Variants in SLC16A12 observed in about 807,000 individuals in gnomAD.
SLC16A12 encodes solute carrier family 16 member 12.
In SLC16A12, 17 loss-of-function variants were observed where a neutral mutation model predicts 42.4. That is an observed-to-expected ratio of 0.40 (90% confidence interval 0.27 to 0.60). SLC16A12 has a LOEUF of 0.60. Among genes scored for constraint, SLC16A12 ranks in the 20% least tolerant of loss-of-function variants. SLC16A12 has a pLI of 0.42. For missense variants in SLC16A12, 544 were observed against 623.0 expected (o/e 0.87, Z 1.35); for synonymous variants, 224 against 229.4 (o/e 0.98, Z 0.21).
chr10:89,547,033 G>C (rs1810330089), intron 2 of SLC16A12, among the ~76,000 whole-genome samples: 1 of 152,160 alleles, frequency 6.6e-6, no homozygotes, highest in Non-Finnish European at 1.5e-5. Context: ...GAGCCTGTTG[G>C]GGGGTTGGGA....
chr10:89,529,263 C>T (rs1273228028), intron 2 of SLC16A12, among the ~76,000 whole-genome samples: 4 of 151,918 alleles, frequency 2.6e-5, no homozygotes, highest in African/African-American at 9.7e-5. Flanking sequence ...GGAAAGTATT[C>T]CATCAAGCAA....
chr10:89,503,239 AC>A (rs1411179186), intron 2 of SLC16A12, among the ~76,000 whole-genome samples: 1 of 152,220 alleles, frequency 6.6e-6, no homozygotes, highest in African/African-American at 2.4e-5. Flanking sequence ...AATATGCCTT[AC>A]TAAAGTGGTG....
At chr10:89,474,361 C>T (rs1842544346) in intron 2 of SLC16A12, among the ~76,000 whole-genome samples, 1 of 152,178 alleles carries the variant, frequency 6.6e-6, no homozygotes, top group African/African-American at 2.4e-5. Flanking sequence ...CCCAAACACA[C>T]TGCCTGGTTC....
At chr10:89,499,826 C>CA (rs557888448) in intron 2 of SLC16A12, among the ~76,000 whole-genome samples, 9 of 150,848 alleles carry the variant, frequency 6.0e-5, no homozygotes, top group South Asian at 4.2e-4. Flanking sequence ...GAAATTGAAA[C>CA]AAAAAAAATA....
chr10:89,521,102 A>G (rs941262119), intron 2 of SLC16A12, among the ~76,000 whole-genome samples: 1 of 152,214 alleles, frequency 6.6e-6, no homozygotes, highest in Non-Finnish European at 1.5e-5. Context: ...TATCTGTCCA[A>G]GTGCATGCTG....
intron 3 of SLC16A12, among the ~76,000 whole-genome samples, chr10:89,459,323 A>G (rs1842253215): frequency 6.6e-6 from 1 of 151,982 alleles, no homozygotes; most frequent in Non-Finnish European, 1.5e-5. Flanking sequence ...TTTTAAAAAA[A>G]AAAACCCATG....
chr10:89,438,482 C>T (rs147060880), intron 6 of SLC16A12, 122 bp downstream of exon 6: 176 of 904,618 alleles, frequency 1.9e-4, no homozygotes, highest in Middle Eastern at 1.8e-3. Context: ...GAGATGCCTT[C>T]AGATACTGCA....
intron 6 of SLC16A12, 40 bp from the exon 7 acceptor site, chr10:89,436,359 C>T (rs1841786723): frequency 6.2e-7 from 1 of 1,612,992 alleles, no homozygotes; most frequent in Non-Finnish European, 8.5e-7. Flanking sequence ...AGGAGGTACA[C>T]ATTCTGTAAA....
intron 2 of SLC16A12, among the ~76,000 whole-genome samples, chr10:89,511,673 T>G (rs1385123555): frequency 6.6e-6 from 1 of 152,154 alleles, no homozygotes; most frequent in Non-Finnish European, 1.5e-5. Flanking sequence ...ATGGCACATG[T>G]ATACCTCTGT....
At chr10:89,539,877 C>CTTTCTTTCTTTCTTTCTTTA (rs1564604768), upstream of SLC16A12, among the ~76,000 whole-genome samples, 16 of 144,142 alleles carry the variant, frequency 1.1e-4, no homozygotes, top group Admixed American at 4.8e-4. Context: ...TTCTTTCTTT[C>CTTTCTTTCTTTCTTTCTTTA]TTTCTTTCTT....
upstream of SLC16A12, among the ~76,000 whole-genome samples, chr10:89,538,370 G>A (rs555863930): frequency 3.9e-5 from 6 of 152,314 alleles, no homozygotes; most frequent in East Asian, 3.9e-4. Flanking sequence ...AATTATAATC[G>A]TAATTAAAAT....
At chr10:89,492,500 C>T (rs1413269133) in intron 2 of SLC16A12, among the ~76,000 whole-genome samples, 2 of 151,934 alleles carry the variant, frequency 1.3e-5, no homozygotes, top group Admixed American at 6.6e-5. Context: ...GAGGCTGAGG[C>T]GGGCGGATCA....
chr10:89,555,446 T>G (rs1212718792), intron 2 of SLC16A12, among the ~76,000 whole-genome samples: 1 of 148,568 alleles, frequency 6.7e-6, no homozygotes, highest in African/African-American at 2.4e-5. Context: ...GTTTCATGTT[T>G]ATTTCTACAG....
At chr10:89,469,086 G>A (rs1475072550) in intron 2 of SLC16A12, among the ~76,000 whole-genome samples, 1 of 152,134 alleles carries the variant, frequency 6.6e-6, no homozygotes, top group Non-Finnish European at 1.5e-5. Context: ...CTGAGATCAC[G>A]CCACTGCACC....
rs187103106 is a variant in SLC16A12 at position 89,530,282 on chromosome 10, C to T, written c.-47+4219G>A. ...CTTATCACTATGCCACACCTAAGTA[C>T]TCATCCCTCTTCCTTTTGTAATTTG... is the stretch of plus-strand genomic sequence containing the variant. On this transcript the variant is annotated intron_variant, in intron 2 of 7. Coordinates refer to ENST00000371790, the MANE Select transcript of SLC16A12 (RefSeq NM_213606.4). Among the ~76,000 whole-genome samples, 11 of 152,210 alleles carry T rather than the reference C, an allele frequency of 7.2e-5. No individual in the cohort carries two copies. In the East Asian group the frequency reaches 1.2e-3, roughly 16 times the overall value.
At chr10:89,447,841 A>G (rs1842028961) in intron 3 of SLC16A12, among the ~76,000 whole-genome samples, 1 of 152,204 alleles carries the variant, frequency 6.6e-6, no homozygotes, top group African/African-American at 2.4e-5. Context: ...GAAAAGATCA[A>G]CAAATAGATA....
rs1481127184 is a variant in SLC16A12 at position 89,430,462 on chromosome 10, G to GT, written c.*2601dup. The GT allele has an allele frequency of 2.8e-6, 1 of 355,208 alleles. No homozygotes were observed. Among genetic ancestry groups the GT allele is most frequent in the Non-Finnish European group, 5.5e-6 (1 of 182,166 alleles). 22.0% of individuals were successfully genotyped at this position (355,208 alleles called of 1,614,324 possible). On this transcript the variant is annotated 3_prime_UTR_variant, in exon 8 of 8. Transcript: ENST00000371790. ...GATTTTCTACTCAGATAATTCCAAA[G>GT]TAGAGCTTACAGTAGTAGAAAGAAA...
intron 2 of SLC16A12, among the ~76,000 whole-genome samples, chr10:89,489,731 A>G (rs979731054): frequency 6.6e-6 from 1 of 152,228 alleles, no homozygotes; most frequent in Admixed American, 6.5e-5. Context: ...TAAAGGGATA[A>G]TATCATTTGG....
chr10:89,548,516 A>T (rs939367168), intron 2 of SLC16A12, among the ~76,000 whole-genome samples: 3 of 149,344 alleles, frequency 2.0e-5, no homozygotes, highest in Non-Finnish European at 3.0e-5. Flanking sequence ...TAGGAGAAAT[A>T]AAAAAAAAAC....
Sources: gnomAD v4.1 joint callset for allele counts (sites outside exome capture counted in the v4.1 genomes callset) on GRCh38, gnomAD v4.1.1 for gene constraint, MANE v1.5 for transcripts, NCBI Gene and HGNC (gene_info 2026-07-23, HGNC 2026-07-21) for gene names.